Variants in SSUH2 observed in about 807,000 individuals in gnomAD.
SSUH2 encodes protein SSUH2 homolog.
A neutral mutation model predicts 55.3 loss-of-function variants in SSUH2; 47 were observed. The observed-to-expected ratio is 0.85, with a 90% CI of 0.67 to 1.08. The LOEUF (loss-of-function observed/expected upper bound fraction) is 1.08, where lower values mean the gene tolerates loss of function less well. Ranked by LOEUF, SSUH2 falls within the 50% of genes least tolerant of loss-of-function variation. The pLI, the probability that SSUH2 is intolerant of heterozygous loss-of-function variation, is 0.00. For synonymous variants in SSUH2, 212 were observed against 191.5 expected (o/e 1.11, Z -0.89); for missense variants, 535 against 490.7 (o/e 1.09, Z -0.85).
chr3:8,634,656 A>C, intron 3 of SSUH2: 1 of 1,166,662 alleles, frequency 8.6e-7, no homozygotes, highest in Non-Finnish European at 1.1e-6. Flanking sequence ...CTAAGCATGG[A>C]AAGTGGGTGT....
chr3:8,661,042 C>G (rs1703430153), intron 6 of SSUH2, among the ~76,000 whole-genome samples: 1 of 152,348 alleles, frequency 6.6e-6, no homozygotes, highest in Non-Finnish European at 1.5e-5. Flanking sequence ...AGCTGTCCAG[C>G]CCAGCTGGCC....
Position 8,625,566 on chromosome 3 carries a change from G to T in SSUH2, c.849C>A (p.Asn283Lys), listed in dbSNP as rs1223621279. The T allele has an allele frequency of 1.2e-6, 2 of 1,613,412 alleles. No homozygotes were observed. The highest frequency in any genetic ancestry group is 2.7e-5 in the African/African-American group (2 of 74,914). ...CCACCGAGTTTTCATCCTTAAAGAG[G>T]TTTTCTCCTTTGGCTTTAGCAAGGA... ...RELLAKAKGE[N>K]LFKDENSVVY... The change falls in exon 10 of 12, where the codon AAC (asparagine) becomes AAA (lysine). Residue 283 changes from asparagine to lysine, a missense_variant. Coordinates refer to ENST00000544814, the MANE Select transcript of SSUH2 (RefSeq NM_001256748.3).
upstream of SSUH2, among the ~76,000 whole-genome samples, chr3:8,649,224 C>A (rs984770903): frequency 1.8e-4 from 27 of 152,320 alleles, no homozygotes; most frequent in African/African-American, 6.3e-4. Flanking sequence ...TTCCCAAGAA[C>A]GCTGCCTGCA....
At chr3:8,628,590 C>T (rs557333258) in intron 7 of SSUH2, among the ~76,000 whole-genome samples, 4 of 152,262 alleles carry the variant, frequency 2.6e-5, no homozygotes, top group South Asian at 2.1e-4. Context: ...GGCCTAAATC[C>T]GATGACGTGT....
At chr3:8,679,153 GGGACT>G (rs1705739280) in intron 2 of SSUH2, among the ~76,000 whole-genome samples, 2 of 93,810 alleles carry the variant, frequency 2.1e-5, no homozygotes, top group Non-Finnish European at 4.9e-5. Flanking sequence ...CCGCGAGGCG[GGGACT>G]GAGAGGCAGC....
chr3:8,642,081 A>C (rs1700947254), intron 1 of SSUH2, among the ~76,000 whole-genome samples: 1 of 152,216 alleles, frequency 6.6e-6, no homozygotes, highest in South Asian at 2.1e-4. Flanking sequence ...CCTAGACCAG[A>C]AAAGCTGCCT....
At chr3:8,623,307 C>T (rs935446074) in intron 11 of SSUH2, 21 of 509,560 alleles carry the variant, frequency 4.1e-5, no homozygotes, top group African/African-American at 9.8e-5. Flanking sequence ...ACCCTGCAAT[C>T]GCTTCTGGGA....
chr3:8,620,898 T>A (rs1485572863), intron 11 of SSUH2, among the ~76,000 whole-genome samples: 1 of 152,244 alleles, frequency 6.6e-6, no homozygotes, highest in African/African-American at 2.4e-5. Flanking sequence ...ATTTTCAGGA[T>A]GGGGACCTCA....
chr3:8,630,865 A>G lies in SSUH2; in HGVS notation c.465T>C (p.Gly155=). 1 of 1,501,170 alleles carries G rather than the reference A, an allele frequency of 6.7e-7. No homozygotes were observed. The allele number at this position is 1,501,170 out of a possible 1,614,324, so 93.0% of individuals were successfully genotyped here. A position where few individuals can be genotyped will look rare whatever the true frequency, so the allele number is the denominator to read the frequency against. Residue 155 remains glycine, a synonymous_variant, in exon 6 of 12, where the codon GGT becomes GGC. Coordinates refer to ENST00000544814, the MANE Select transcript of SSUH2 (RefSeq NM_001256748.3). The part of the protein sequence containing the change: ...SPRLWDIKVQ[G]PPMFQEDTRK... ...TGGTGTCTTCCTGAAACATCGGAGG[A>G]CCTTGAACCTTGATGTCCCAGAGCC... is the stretch of plus-strand genomic sequence containing the variant.
intron 7 of SSUH2, among the ~76,000 whole-genome samples, chr3:8,650,117 AG>A (rs752086043): frequency 4.6e-5 from 7 of 152,108 alleles, no homozygotes; most frequent in Admixed American, 1.3e-4. Context: ...CACCACCTTC[AG>A]GCCTTTGCTC....
At position 8,635,955 on chromosome 3, in the gene SSUH2, AAGCCTCACGTTTAAGCC is replaced by A. The variant is rs1699858824; in HGVS notation, c.29-115_29-99del. The stretch of plus-strand genomic sequence containing the variant: ...GAAATTAGGGCGGGTGCATTATAAA[AAGCCTCACGTTTAAGCC>A]AGCCTCACTCTGGCATCCTTAGGAC... On this transcript the variant is annotated intron_variant, in intron 1 of 11. Coordinates refer to ENST00000544814, the MANE Select transcript of SSUH2 (RefSeq NM_001256748.3). 3 of 1,059,062 alleles carry A rather than the reference AAGCCTCACGTTTAAGCC, an allele frequency of 2.8e-6. No homozygotes were observed. In the Admixed American group the frequency reaches 7.0e-5, roughly 25 times the overall value. 65.6% of individuals were successfully genotyped at this position (1,059,062 alleles called of 1,614,324 possible).
At chr3:8,630,991 T>G in intron 5 of SSUH2, 62 bp from the exon 6 acceptor site, 1 of 1,324,798 alleles carries the variant, frequency 7.5e-7, no homozygotes. Context: ...CTTTCATTTA[T>G]CCAGCAAACA....
intron 1 of SSUH2, among the ~76,000 whole-genome samples, chr3:8,681,006 G>T (rs1192273505): frequency 1.3e-5 from 2 of 150,794 alleles, no homozygotes; most frequent in African/African-American, 4.8e-5. Flanking sequence ...CCATCGCAGT[G>T]GGGGAGGCAA....
At chr3:8,672,879 C>T (rs955956394) in intron 3 of SSUH2, among the ~76,000 whole-genome samples, 2 of 151,844 alleles carry the variant, frequency 1.3e-5, no homozygotes, top group East Asian at 1.9e-4. Flanking sequence ...AGATGATATT[C>T]GGATCAATAT....
At chr3:8,668,946 G>A (rs970934522) in intron 5 of SSUH2, among the ~76,000 whole-genome samples, 2 of 151,356 alleles carry the variant, frequency 1.3e-5, no homozygotes, top group Non-Finnish European at 2.9e-5. Context: ...GAGAAAGAGA[G>A]TGGGAGGGAG....
intron 3 of SSUH2, among the ~76,000 whole-genome samples, chr3:8,675,473 C>A (rs1211249799): frequency 1.3e-5 from 2 of 152,166 alleles, no homozygotes; most frequent in African/African-American, 2.4e-5. Context: ...GGAACAGATG[C>A]CCTACACCAG....
In SSUH2 at chr3:8,635,351, G is replaced by C; in HGVS notation, c.158C>G (p.Ala53Gly). ...CCTTTGCTCCTGGGGCCTCCCTGGGGCCTCCAAAGGTGGGAAGAATATCTG... is the reference window on the plus strand; with the variant it reads ...CCTTTGCTCCTGGGGCCTCCCTGGGCCCTCCAAAGGTGGGAAGAATATCTG... ...RGQIFFPPLE[A>G]PGRPQEQRSW... Residue 53 changes from alanine (A) to glycine (G), a missense_variant, in exon 3 of 12, where the codon GCC (alanine) becomes GGC (glycine). Coordinates refer to ENST00000544814, the MANE Select transcript of SSUH2 (RefSeq NM_001256748.3). 6.5e-7 allele frequency: 1 copy of C among 1,536,070 alleles called. No individual in the cohort carries two copies. Among genetic ancestry groups the C allele is most frequent in the Non-Finnish European group, 8.7e-7 (1 of 1,146,856 alleles).
chr3:8,638,733 A>G (rs1419475713), intron 1 of SSUH2, among the ~76,000 whole-genome samples: 4 of 152,186 alleles, frequency 2.6e-5, no homozygotes. Flanking sequence ...CCAACCTAAG[A>G]AGGGTGGGTC....
intron 1 of SSUH2, among the ~76,000 whole-genome samples, chr3:8,643,930 A>C (rs1180520211): frequency 6.6e-6 from 1 of 152,210 alleles, no homozygotes; most frequent in Non-Finnish European, 1.5e-5. Context: ...AATTCAGAGC[A>C]GAGCCAGGAC....
Sources: gnomAD v4.1 joint callset for allele counts (sites outside exome capture counted in the v4.1 genomes callset) on GRCh38, gnomAD v4.1.1 for gene constraint, MANE v1.5 for transcripts, NCBI Gene and HGNC (gene_info 2026-07-23, HGNC 2026-07-21) for gene names.